ADAT1: variants seen among roughly 807,000 people sequenced by gnomAD.
The protein encoded by ADAT1 is adenosine deaminase tRNA specific 1.
ADAT1 carries 58 observed loss-of-function variants against 58.6 expected under a neutral mutation model. The ratio of observed to expected loss-of-function variants is 0.99; its 90% CI spans 0.80 to 1.23. The LOEUF is 1.23. Among genes scored for constraint, ADAT1 ranks in the 50% most tolerant of loss-of-function variants. ADAT1 has a pLI of 0.00. For missense variants in ADAT1, 741 were observed against 608.6 expected (o/e 1.22, Z -2.29); for synonymous variants, 254 against 220.8 (o/e 1.15, Z -1.33).
chr16:75,623,086 T>G lies in ADAT1; in HGVS notation c.-705A>C, dbSNP rs2081982795. The G allele has an allele frequency of 6.6e-6, 1 of 152,234 alleles. No individual in the cohort carries two copies. The highest frequency in any genetic ancestry group is 1.5e-5 in the Non-Finnish European group (1 of 68,110). The allele number at this position is 152,234 out of a possible 1,614,324, so 9.4% of individuals were successfully genotyped here. On this transcript the variant is annotated 5_prime_UTR_variant, in exon 1 of 10. Transcript: ENST00000564657. ...CAGGAGCTCTTCAGGCGCCGGCTGCTGACAGTTCCAGGCGTGGAGCGCCTT... is the reference window on the plus strand; with the variant it reads ...CAGGAGCTCTTCAGGCGCCGGCTGCGGACAGTTCCAGGCGTGGAGCGCCTT...
chr16:75,620,567 T>A (rs1243885912), intron 2 of ADAT1, 64 bp downstream of exon 2: 1 of 1,579,304 alleles, frequency 6.3e-7, no homozygotes, highest in African/African-American at 1.3e-5. Flanking sequence ...ACCCTCACAG[T>A]ACAGCAATGC....
chr16:75,613,638 G>C (rs4888439), intron 5 of ADAT1, among the ~76,000 whole-genome samples: 71,507 of 151,972 alleles, frequency 0.47, 19,363 homozygotes, highest in East Asian at 0.87. Flanking sequence ...CTGTATCACT[G>C]TTTGCTGTGG....
chr16:75,620,535 T>G, intron 2 of ADAT1, 96 bp downstream of exon 2: 1 of 1,493,424 alleles, frequency 6.7e-7, no homozygotes, highest in Admixed American at 1.7e-5. Context: ...AACATCGTAG[T>G]TCACACCCTA....
At chr16:75,608,434 G>C (rs1435563516) in intron 7 of ADAT1, 111 bp from the exon 8 acceptor site, 1 of 897,542 alleles carries the variant, frequency 1.1e-6, no homozygotes, top group Non-Finnish European at 1.7e-6. Flanking sequence ...AGCTGGATAT[G>C]ATGTCACAGA....
chr16:75,605,898 C>T (rs1484243266), intron 8 of ADAT1, among the ~76,000 whole-genome samples: 1 of 137,366 alleles, frequency 7.3e-6, no homozygotes, highest in African/African-American at 2.8e-5. Context: ...GATCGTGCTA[C>T]TGTACTCCAG....
chr16:75,597,248 G>A lies in ADAT1; in HGVS notation c.*2968C>T, dbSNP rs2081091463. The A allele has an allele frequency of 6.0e-6, 2 of 331,636 alleles. No homozygotes were observed. Among genetic ancestry groups the A allele is most frequent in the African/African-American group, 2.2e-5 (1 of 46,126 alleles). 20.5% of individuals were successfully genotyped at this position (331,636 alleles called of 1,614,324 possible). The stretch of plus-strand genomic sequence containing the variant: ...GCAGGCCCTAAATCCAATTACTGGG[G>A]TCCTTATAAGTAGGCCATGGAAAGA... On this transcript the variant is annotated 3_prime_UTR_variant, in exon 10 of 10. Coordinates refer to ENST00000564657, the MANE Select transcript of ADAT1 (RefSeq NM_001324445.2).
chr16:75,620,281 T>C lies in ADAT1; in HGVS notation c.223A>G (p.Lys75Glu). ...CCGTGCTTACCGTTCTTCCTCATTT[T>C]GGACTGTCCTATGCATTTTGTTCCT... is the stretch of plus-strand genomic sequence containing the variant. ...GTGTKCIGQS[K>E]MRKNGDILND... The change falls in exon 3 of 10, where the codon AAA (lysine) becomes GAA (glutamate). Residue 75 changes from lysine to glutamate, a missense_variant. Transcript: ENST00000564657. 1 of 1,614,196 alleles carries C rather than the reference T, an allele frequency of 6.2e-7. No individual in the cohort carries two copies. Among genetic ancestry groups the C allele is most frequent in the Non-Finnish European group, 8.5e-7 (1 of 1,179,992 alleles).
intron 3 of ADAT1, chr16:75,619,892 TCAA>T: frequency 1.2e-4 from 14 of 112,648 alleles, no homozygotes; most frequent in South Asian, 3.4e-4. Context: ...AGACTCCGAG[TCAA>T]AAAAAAAAAA....
chr16:75,615,604 G>A (rs1332759151), intron 5 of ADAT1, among the ~76,000 whole-genome samples: 4 of 150,992 alleles, frequency 2.6e-5, no homozygotes. Flanking sequence ...CATGTAGCCA[G>A]GCAGGCCGTG....
In ADAT1 at chr16:75,620,818, G is replaced by C. The variant is rs772243503; in HGVS notation, c.-19C>G. 3.8e-6 allele frequency: 6 copies of C among 1,596,468 alleles called. No individual in the cohort carries two copies. Among genetic ancestry groups the C allele is most frequent in the Non-Finnish European group, 5.1e-6 (6 of 1,167,094 alleles). ...TCCACATGGTCTGAGCTGGTATTGAGACCTTGATCAAAAACCACAACCATC... is the reference window on the plus strand; with the variant it reads ...TCCACATGGTCTGAGCTGGTATTGACACCTTGATCAAAAACCACAACCATC... On this transcript the variant is annotated splice_region_variant and 5_prime_UTR_variant, in exon 2 of 10. Transcript: ENST00000564657.
intron 6 of ADAT1, among the ~76,000 whole-genome samples, chr16:75,610,172 T>C (rs2081486040): frequency 6.6e-6 from 1 of 152,248 alleles, no homozygotes; most frequent in Non-Finnish European, 1.5e-5. Flanking sequence ...TGAATCATAG[T>C]CCATTGTATG....
intron 1 of ADAT1, among the ~76,000 whole-genome samples, chr16:75,621,061 T>G (rs113525786): frequency 3.3e-5 from 5 of 152,026 alleles, no homozygotes; most frequent in African/African-American, 1.2e-4. Flanking sequence ...TTCTTAATGT[T>G]ATATATCTGA....
intron 3 of ADAT1, chr16:75,619,569 T>A (rs1438951449): frequency 2.2e-6 from 1 of 451,906 alleles, no homozygotes; most frequent in South Asian, 1.6e-5. Flanking sequence ...AACCCCCAGA[T>A]CTCTAAGGAA....
At chr16:75,601,967 G>C (rs550768936) in intron 9 of ADAT1, 4 of 152,154 alleles carry the variant, frequency 2.6e-5, no homozygotes, top group Non-Finnish European at 5.9e-5. Flanking sequence ...GAGCCTCTAA[G>C]CTTTGGAGTT....
intron 8 of ADAT1, among the ~76,000 whole-genome samples, chr16:75,607,799 C>T (rs914625873): frequency 1.3e-5 from 2 of 152,172 alleles, no homozygotes; most frequent in African/African-American, 4.8e-5. Context: ...TTCTACACAG[C>T]AGCACTATTC....
In ADAT1 at chr16:75,612,777, G is replaced by A. The variant is rs1567476509; in HGVS notation, c.509C>T (p.Ser170Leu). 6.2e-7 allele frequency: 1 copy of A among 1,614,072 alleles called. No homozygotes were observed. The highest frequency in any genetic ancestry group is 8.5e-7 in the Non-Finnish European group (1 of 1,180,030). Residue 170 changes from serine (S) to leucine (L), a missense_variant, in exon 6 of 10, where the codon TCA (serine) becomes TTA (leucine). Coordinates refer to ENST00000564657, the MANE Select transcript of ADAT1 (RefSeq NM_001324445.2). ...TTCCAGGTTACTACTGGCTTCTACT[G>A]ATGAGTTGTGGGCCCAATTTCTGAA... is the stretch of plus-strand genomic sequence containing the variant. ...PVFRNWAHNS[S>L]VEASSNLEAP...
chr16:75,620,751 T>C lies in ADAT1; in HGVS notation c.49A>G (p.Ile17Val). The change falls in exon 2 of 10, where the codon ATC becomes GTC. Residue 17 changes from isoleucine to valine, a missense_variant. Ile to Val is a conservative substitution (Grantham distance 29). Transcript: ENST00000564657. The stretch of plus-strand genomic sequence containing the variant: ...GGCTTCCCCTTCTTGGGCAGCCTGA[T>C]CCCATAGTGTTCATAGCATAGCTGA... ...IAQLCYEHYG[I>V]RLPKKGKPEP... 1 of 1,614,194 alleles carries C rather than the reference T, an allele frequency of 6.2e-7. No homozygotes were observed. Among genetic ancestry groups the C allele is most frequent in the African/African-American group, 1.3e-5 (1 of 75,048 alleles).
At chr16:75,613,304 C>A (rs1243699773) in intron 5 of ADAT1, among the ~76,000 whole-genome samples, 1 of 152,132 alleles carries the variant, frequency 6.6e-6, no homozygotes. Context: ...AACCACGGTA[C>A]TAATGACATT....
In ADAT1 at chr16:75,599,918, C is replaced by G. The variant is rs369291132; in HGVS notation, c.*298G>C. On this transcript the variant is annotated 3_prime_UTR_variant, in exon 10 of 10. Coordinates refer to ENST00000564657, the MANE Select transcript of ADAT1 (RefSeq NM_001324445.2). ...TGTAGGAACCCATAAAACAGAGCTGCTGCAGAGTACTTTCAAAGCATCATG... is the reference window on the plus strand; with the variant it reads ...TGTAGGAACCCATAAAACAGAGCTGGTGCAGAGTACTTTCAAAGCATCATG... 6 of 1,114,472 alleles carry G rather than the reference C, an allele frequency of 5.4e-6. No individual in the cohort carries two copies. Among genetic ancestry groups the G allele is most frequent in the East Asian group, 1.1e-4 (2 of 17,624 alleles). 69.0% of individuals were successfully genotyped at this position (1,114,472 alleles called of 1,614,324 possible).
Sources: gnomAD v4.1 joint callset for allele counts (sites outside exome capture counted in the v4.1 genomes callset) on GRCh38, gnomAD v4.1.1 for gene constraint, MANE v1.5 for transcripts, NCBI Gene and HGNC (gene_info 2026-07-23, HGNC 2026-07-21) for gene names.